The following KCNT2 variants were observed in gnomAD, a reference collection of about 807,000 sequenced individuals.
The protein encoded by KCNT2 is potassium channel subfamily T member 2.
Under a neutral mutation model 153.8 loss-of-function variants are expected in KCNT2, and 67 were observed. That is an observed-to-expected ratio of 0.44 (90% CI 0.36 to 0.53). The LOEUF is 0.53. KCNT2 is among the 20% of genes least tolerant of loss of function. The pLI is 0.00. For synonymous variants in KCNT2, 500 were observed against 458.8 expected (o/e 1.09, Z -1.15); for missense variants, 975 against 1,354.8 (o/e 0.72, Z 4.40).
chr1:196,334,701 G>A (rs901753141), intron 16 of KCNT2, among the ~76,000 whole-genome samples: 18 of 151,716 alleles, frequency 1.2e-4, no homozygotes, highest in Admixed American at 1.2e-3. Context: ...CCACATATGG[G>A]GAGCACTGTT....
chr1:196,570,085 A>G (rs1295501976), intron 1 of KCNT2, among the ~76,000 whole-genome samples: 295 of 15,114 alleles, frequency 0.02, 2 homozygotes, highest in Non-Finnish European at 0.11. Context: ...AAAAAAAAAA[A>G]AAAAAAAAAA....
Position 196,416,858 on chromosome 1 carries a change from T to C in KCNT2, c.1185+6192A>G, listed in dbSNP as rs184533254. ...GTCACTCTGTTGTGCTATGAAATAG[T>C]AGGTCTTATTCATTCTATTTTATTT... is the stretch of plus-strand genomic sequence containing the variant. On this transcript the variant is annotated intron_variant, in intron 12 of 27. Transcript: ENST00000294725. Among the ~76,000 whole-genome samples the C allele has an allele frequency of 7.2e-5, 11 of 152,174 alleles. No individual in the cohort carries two copies. The East Asian group carries it at 1.9e-3, about 27-fold the overall frequency.
chr1:196,518,768 C>T (rs553432308), intron 1 of KCNT2, among the ~76,000 whole-genome samples: 1 of 152,128 alleles, frequency 6.6e-6, no homozygotes, highest in African/African-American at 2.4e-5. Context: ...ACAGGAGCAA[C>T]CAGGTTTATA....
At chr1:196,343,843 G>A (rs1277553556) in intron 14 of KCNT2, among the ~76,000 whole-genome samples, 7 of 151,998 alleles carry the variant, frequency 4.6e-5, no homozygotes, top group Non-Finnish European at 7.4e-5. Flanking sequence ...GCAATGGCAC[G>A]ATCTCAGCTC....
intron 1 of KCNT2, among the ~76,000 whole-genome samples, chr1:196,549,897 A>C (rs1340720674): frequency 6.6e-6 from 1 of 151,868 alleles, no homozygotes; most frequent in East Asian, 1.9e-4. Flanking sequence ...ATGGGCTCTA[A>C]GTTTCGGATG....
chr1:196,358,201 T>C (rs1291676888), intron 14 of KCNT2, among the ~76,000 whole-genome samples: 1 of 151,814 alleles, frequency 6.6e-6, no homozygotes, highest in East Asian at 1.9e-4. Flanking sequence ...TTATCTAAAA[T>C]CCTAAATATT....
intron 1 of KCNT2, among the ~76,000 whole-genome samples, chr1:196,574,492 C>T (rs1242226578): frequency 6.6e-6 from 1 of 151,722 alleles, no homozygotes; most frequent in Non-Finnish European, 1.5e-5. Context: ...AACTTGGAAT[C>T]CAGGTTTGCT....
intron 14 of KCNT2, among the ~76,000 whole-genome samples, chr1:196,355,013 T>C (rs963517482): frequency 6.6e-6 from 1 of 151,748 alleles, no homozygotes; most frequent in African/African-American, 2.4e-5. Context: ...GCCAGTTTCA[T>C]TGGAAAGGTA....
chr1:196,285,079 T>C (rs945948493), intron 23 of KCNT2, among the ~76,000 whole-genome samples: 21 of 152,290 alleles, frequency 1.4e-4, no homozygotes, highest in Admixed American at 1.4e-3. Flanking sequence ...ACGATGATAT[T>C]AGTGTGAACA....
At chr1:196,256,979 G>A (rs1656572673) in intron 26 of KCNT2, among the ~76,000 whole-genome samples, 1 of 152,016 alleles carries the variant, frequency 6.6e-6, no homozygotes, top group African/African-American at 2.4e-5. Context: ...GACATTAAAT[G>A]TGATTATATT....
intron 13 of KCNT2, among the ~76,000 whole-genome samples, chr1:196,384,346 T>G (rs78944862): frequency 1.3e-5 from 2 of 151,984 alleles, no homozygotes; most frequent in African/African-American, 4.8e-5. Context: ...CCCTTACCAA[T>G]GAGGAAAGAT....
rs80130759 is a variant in KCNT2, at chr1:196,354,223, C to A, written c.1404-11995G>T. On this transcript the variant is annotated intron_variant, in intron 14 of 27. Transcript: ENST00000294725. The stretch of plus-strand genomic sequence containing the variant: ...TGCCTTTAAAATTGTAAAATATAAT[C>A]ATTAGTGGGAGTCTACCTCTTTCAC... 7.8e-4 allele frequency among the ~76,000 whole-genome samples: 119 copies of A among 151,750 alleles called. 1 individual carries two copies. The East Asian group carries it at 0.018, about 23-fold the overall frequency.
intron 19 of KCNT2, 34 bp from the exon 20 acceptor site, chr1:196,319,589 A>C: frequency 1.4e-6 from 2 of 1,399,390 alleles, no homozygotes; most frequent in Non-Finnish European, 2.0e-6. Context: ...ATGAAACACA[A>C]TGTCACAACA....
At chr1:196,432,306 T>C (rs1323954470) in intron 8 of KCNT2, among the ~76,000 whole-genome samples, 2 of 152,084 alleles carry the variant, frequency 1.3e-5, no homozygotes, top group African/African-American at 4.8e-5. Flanking sequence ...CACCGGGGTA[T>C]GGCAGCACAG....
intron 19 of KCNT2, among the ~76,000 whole-genome samples, chr1:196,322,640 A>T (rs948664294): frequency 2.0e-5 from 3 of 151,896 alleles, no homozygotes; most frequent in African/African-American, 7.2e-5. Flanking sequence ...GTTAGGAAGT[A>T]AAAAAGGTTT....
At chr1:196,606,198 C>T (rs1299471049) in intron 1 of KCNT2, among the ~76,000 whole-genome samples, 1 of 152,072 alleles carries the variant, frequency 6.6e-6, no homozygotes, top group African/African-American at 2.4e-5. Context: ...AGTATAATTC[C>T]CATTATAAAA....
chr1:196,536,393 C>T, intron 1 of KCNT2, among the ~76,000 whole-genome samples: 1 of 152,212 alleles, frequency 6.6e-6, no homozygotes, highest in East Asian at 1.9e-4. Flanking sequence ...TCTTAGTGAT[C>T]ACCATTCATA....
intron 8 of KCNT2, among the ~76,000 whole-genome samples, chr1:196,446,897 A>G (rs1675733834): frequency 6.6e-6 from 1 of 151,296 alleles, no homozygotes; most frequent in East Asian, 2.0e-4. Flanking sequence ...ACTTAATATC[A>G]CTCTTTTTAC....
chr1:196,389,490 G>A (rs1670285830), intron 13 of KCNT2, among the ~76,000 whole-genome samples: 2 of 151,620 alleles, frequency 1.3e-5, no homozygotes, highest in Admixed American at 6.6e-5. Context: ...ACTGGCCAAT[G>A]TGAATGTTAT....
Sources: gnomAD v4.1 joint callset for allele counts (sites outside exome capture counted in the v4.1 genomes callset) on GRCh38, gnomAD v4.1.1 for gene constraint, MANE v1.5 for transcripts, NCBI Gene and HGNC (gene_info 2026-07-23, HGNC 2026-07-21) for gene names.